ERICH3: variants seen among roughly 807,000 people sequenced by gnomAD.
ERICH3 encodes the protein glutamate-rich protein 3.
A neutral mutation model predicts 131.1 loss-of-function variants in ERICH3; 126 were observed. The observed-to-expected ratio is 0.96, with a 90% confidence interval of 0.83 to 1.11. The LOEUF (loss-of-function observed/expected upper bound fraction) is 1.11, where lower values mean the gene tolerates loss of function less well. ERICH3 is among the 50% of genes most tolerant of loss of function. The pLI is 0.00. For missense variants in ERICH3, 2,050 were observed against 1,810.7 expected, an observed-to-expected ratio of 1.13 and a Z score of -2.40; for synonymous variants, 695 against 644.6, an observed-to-expected ratio of 1.08 and a Z score of -1.18.
At chr1:74,627,569 T>A (rs2100618989) in intron 7 of ERICH3, among the ~76,000 whole-genome samples, 1 of 152,188 alleles carries the variant, frequency 6.6e-6, no homozygotes. Flanking sequence ...CACCCCTATG[T>A]TACATAAACA....
intron 8 of ERICH3, among the ~76,000 whole-genome samples, chr1:74,616,955 A>C (rs1184130032): frequency 6.6e-6 from 1 of 152,176 alleles, no homozygotes; most frequent in Admixed American, 6.5e-5. Flanking sequence ...CTGGAAACCC[A>C]CAAGAGAATA....
intron 8 of ERICH3, 111 bp downstream of exon 8, chr1:74,620,623 G>T: frequency 1.1e-6 from 1 of 909,918 alleles, no homozygotes; most frequent in Admixed American, 3.1e-5. Flanking sequence ...TAAGTCCCTG[G>T]ATATGCATAA....
chr1:74,589,324 T>G (rs1424861830), intron 12 of ERICH3: 2 of 488,226 alleles, frequency 4.1e-6, no homozygotes, highest in Non-Finnish European at 7.2e-6. Context: ...GCCACACACA[T>G]CCTTGCCTTC....
intron 12 of ERICH3, among the ~76,000 whole-genome samples, chr1:74,580,977 C>T (rs530635752): frequency 6.6e-6 from 1 of 152,278 alleles, no homozygotes; most frequent in African/African-American, 2.4e-5. Flanking sequence ...TATGTCCATA[C>T]AAACATAAAT....
chr1:74,577,848 C>T (rs944459600), intron 12 of ERICH3, among the ~76,000 whole-genome samples: 3 of 152,144 alleles, frequency 2.0e-5, no homozygotes, highest in Admixed American at 1.3e-4. Flanking sequence ...TTTTATGACA[C>T]CAATCATCAC....
chr1:74,633,256 A>T (rs1646358331), intron 6 of ERICH3, among the ~76,000 whole-genome samples: 1 of 151,930 alleles, frequency 6.6e-6, no homozygotes. Context: ...AAGGCATATG[A>T]ACCGAAAGAG....
Position 74,599,695 on chromosome 1 carries a change from C to G in ERICH3, c.1726G>C (p.Asp576His). The G allele has an allele frequency of 6.2e-7, 1 of 1,600,026 alleles. No homozygotes were observed. Among genetic ancestry groups the G allele is most frequent in the Non-Finnish European group, 8.5e-7 (1 of 1,173,976 alleles). The change falls in exon 11 of 15, where the codon GAT becomes CAT. Residue 576 changes from aspartate (D) to histidine (H), a missense_variant and splice_region_variant. By Grantham distance (81) the Asp-to-His change is moderately conservative. Transcript: ENST00000326665. ...TTACATGATAAGCTGAACAACTCGC[C>G]TTGTTTATCCTCTTCCAGTTCACTC... ...SESELEEDKQ[D>H]MKTASSTSSR...
intron 2 of ERICH3, 33 bp downstream of exon 2, chr1:74,649,189 A>G: frequency 6.8e-7 from 1 of 1,461,568 alleles, no homozygotes; most frequent in Non-Finnish European, 9.5e-7. Context: ...TTAATGAAAC[A>G]AGAAGGTCAG....
intron 12 of ERICH3, chr1:74,578,052 A>T (rs895335015): frequency 3.9e-5 from 6 of 152,370 alleles, no homozygotes; most frequent in Middle Eastern, 3.4e-3. Flanking sequence ...GTAGTTGGTT[A>T]CTAGCATAGA....
At chr1:74,662,477 C>T (rs1006599168) in intron 1 of ERICH3, among the ~76,000 whole-genome samples, 1 of 151,882 alleles carries the variant, frequency 6.6e-6, no homozygotes, top group African/African-American at 2.4e-5. Context: ...AATGTTCAAA[C>T]TCATTTTTAT....
At position 74,573,185 on chromosome 1, in the gene ERICH3, G is replaced by A; in HGVS notation, c.2525C>T (p.Ala842Val). Reference sequence around the variant, plus strand: ...CCTTCTGACCCCTTCTGCTTCTGCTGCTCCCTCTGCCCCCCTTTCTATGCC... The same window carrying A: ...CCTTCTGACCCCTTCTGCTTCTGCTACTCCCTCTGCCCCCCTTTCTATGCC... ...PPGIERGAEG[A>V]AEAEGVRRLG... The change falls in exon 14 of 15, where the codon GCA (alanine) becomes GTA (valine). Residue 842 changes from alanine to valine, a missense_variant. Physicochemically the swap from Ala to Val is moderately conservative, Grantham distance 64. Coordinates refer to ENST00000326665, the MANE Select transcript of ERICH3 (RefSeq NM_001002912.5). The A allele has an allele frequency of 1.2e-6, 2 of 1,613,298 alleles. No homozygotes were observed. Among genetic ancestry groups the A allele is most frequent in the South Asian group, 1.1e-5 (1 of 90,976 alleles).
intron 3 of ERICH3, 55 bp downstream of exon 3, chr1:74,646,612 T>C: frequency 2.0e-6 from 2 of 1,010,938 alleles, no homozygotes; most frequent in Non-Finnish European, 2.7e-6. Context: ...CCATCTTCAG[T>C]GATGTGGAAG....
At chr1:74,644,226 C>T (rs772719947) in intron 3 of ERICH3, among the ~76,000 whole-genome samples, 3 of 151,942 alleles carry the variant, frequency 2.0e-5, no homozygotes, top group South Asian at 4.1e-4. Context: ...TCCCTTTCCT[C>T]TCTCTCTTCC....
At chr1:74,659,300 T>A (rs773177538) in intron 1 of ERICH3, among the ~76,000 whole-genome samples, 2 of 149,784 alleles carry the variant, frequency 1.3e-5, no homozygotes, top group Non-Finnish European at 3.0e-5. Context: ...CCTGCTACTG[T>A]CTCCACCCCT....
chr1:74,624,715 C>G (rs184049407), intron 7 of ERICH3: 1 of 152,728 alleles, frequency 6.5e-6, no homozygotes, highest in East Asian at 1.9e-4. Context: ...GCTTCCTAAC[C>G]TACTCTGGTG....
At chr1:74,632,315 G>C (rs934639952) in intron 6 of ERICH3, among the ~76,000 whole-genome samples, 8 of 151,958 alleles carry the variant, frequency 5.3e-5, no homozygotes, top group Non-Finnish European at 1.0e-4. Flanking sequence ...CTTATTTCAG[G>C]CATCTAGGTA....
chr1:74,640,138 G>A (rs185125586), intron 5 of ERICH3, among the ~76,000 whole-genome samples: 1 of 152,108 alleles, frequency 6.6e-6, no homozygotes, highest in African/African-American at 2.4e-5. Context: ...ACTATTTATT[G>A]AGGGTGTTCA....
intron 3 of ERICH3, among the ~76,000 whole-genome samples, chr1:74,646,299 A>C (rs1646482585): frequency 6.6e-6 from 1 of 152,122 alleles, no homozygotes; most frequent in South Asian, 2.1e-4. Flanking sequence ...GCAAATGGAA[A>C]TTGAGGTACA....
rs1208263993 is a variant in ERICH3 at position 74,576,919 on chromosome 1, A to C, written c.2194T>G (p.Leu732Val). ...CCACCAAGAGCCAGGACATAGGCTA[A>C]TGGCAATGAATCCTTTCCTAGTTAA... ...LEEGGKDSLPLAYVLALGAPT... is the reference protein window; with the variant it reads ...LEEGGKDSLPVAYVLALGAPT... Residue 732 changes from leucine (L) to valine (V), a missense_variant, in exon 13 of 15, where the codon TTA becomes GTA. By Grantham distance (32) the Leu-to-Val change is conservative. Transcript: ENST00000326665. 2.5e-6 allele frequency: 4 copies of C among 1,602,504 alleles called. No individual in the cohort carries two copies. In the African/African-American group the frequency reaches 5.4e-5, roughly 22 times the overall value.
Sources: gnomAD v4.1 joint callset for allele counts (sites outside exome capture counted in the v4.1 genomes callset) on GRCh38, gnomAD v4.1.1 for gene constraint, MANE v1.5 for transcripts, NCBI Gene and HGNC (gene_info 2026-07-23, HGNC 2026-07-21) for gene names.